The following MYOCD variants were observed in gnomAD, a reference collection of about 807,000 sequenced individuals.
The protein encoded by MYOCD is myocardin.
Under a neutral mutation model 96.1 loss-of-function variants are expected in MYOCD, and 32 were observed. That is an observed-to-expected ratio of 0.33 (90% CI 0.25 to 0.45). The LOEUF (loss-of-function observed/expected upper bound fraction) is 0.45. Ranked by LOEUF, MYOCD falls within the 20% of genes least tolerant of loss-of-function variation. MYOCD has a pLI of 1.00. For synonymous variants in MYOCD, 469 were observed against 469.0 expected (o/e 1.00, Z 0.00); for missense variants, 1,133 against 1,200.6 (o/e 0.94, Z 0.83).
intron 1 of MYOCD, among the ~76,000 whole-genome samples, chr17:12,683,109 C>T (rs1261459224): frequency 2.6e-5 from 4 of 152,126 alleles, no homozygotes; most frequent in Non-Finnish European, 5.9e-5. Context: ...CATCTTCTCC[C>T]GCAATATTGA....
intron 5 of MYOCD, among the ~76,000 whole-genome samples, chr17:12,723,766 A>G (rs2031916218): frequency 6.6e-6 from 1 of 152,218 alleles, no homozygotes; most frequent in African/African-American, 2.4e-5. Flanking sequence ...AGCTTTCTCC[A>G]GCTATGCCGC....
In MYOCD at chr17:12,765,124, A is replaced by C. The variant is rs2033301030; in HGVS notation, c.*1480A>C. 1 of 152,210 alleles carries C rather than the reference A, an allele frequency of 6.6e-6. No homozygotes were observed. Among genetic ancestry groups the C allele is most frequent in the African/African-American group, 2.4e-5 (1 of 41,452 alleles). The allele number at this position is 152,210 out of a possible 1,614,324, so 9.4% of individuals were successfully genotyped here. On this transcript the variant is annotated 3_prime_UTR_variant, in exon 14 of 14. Transcript: ENST00000425538. ...GATGGAAGGAAAAAGACAATGGTCT[A>C]ATGTGCATTCCTCATTACCTCTCGT...
intron 11 of MYOCD, 117 bp downstream of exon 11, chr17:12,756,674 T>G: frequency 3.7e-6 from 2 of 540,574 alleles, no homozygotes; most frequent in African/African-American, 2.3e-5. Flanking sequence ...CCAGCCCAGG[T>G]GACAGAGCGA....
chr17:12,737,538 G>A (rs1286648259), intron 6 of MYOCD, among the ~76,000 whole-genome samples: 1 of 152,078 alleles, frequency 6.6e-6, no homozygotes, highest in Non-Finnish European at 1.5e-5. Context: ...GATGCACCCG[G>A]GCATCCACAT....
chr17:12,713,296 A>G (rs976608796), intron 2 of MYOCD, among the ~76,000 whole-genome samples: 1 of 152,226 alleles, frequency 6.6e-6, no homozygotes, highest in African/African-American at 2.4e-5. Context: ...TAGTTCTACG[A>G]AGCTGAGATA....
chr17:12,757,678 G>T (rs1350060053), intron 11 of MYOCD, among the ~76,000 whole-genome samples: 2 of 151,888 alleles, frequency 1.3e-5, no homozygotes, highest in Non-Finnish European at 2.9e-5. Context: ...TATTTTTAGT[G>T]AGATGGGGTT....
At chr17:12,708,327 A>G (rs1217849922) in intron 2 of MYOCD, among the ~76,000 whole-genome samples, 1 of 152,194 alleles carries the variant, frequency 6.6e-6, no homozygotes, top group Non-Finnish European at 1.5e-5. Flanking sequence ...CTTTCTAAAC[A>G]TGTCATAAAT....
At chr17:12,757,596 A>G (rs1313488317) in intron 11 of MYOCD, among the ~76,000 whole-genome samples, 1 of 152,254 alleles carries the variant, frequency 6.6e-6, no homozygotes, top group Admixed American at 6.5e-5. Flanking sequence ...TCCCAGGTTC[A>G]AGCGATTCTT....
intron 5 of MYOCD, among the ~76,000 whole-genome samples, chr17:12,729,634 A>G (rs1248848167): frequency 6.6e-6 from 1 of 151,874 alleles, no homozygotes; most frequent in Admixed American, 6.6e-5. Flanking sequence ...CTGGAGTGCA[A>G]TGGCGCGATC....
In MYOCD at chr17:12,666,160, A is replaced by G. The variant is rs758679481; in HGVS notation, c.-29A>G. On this transcript the variant is annotated 5_prime_UTR_variant, in exon 1 of 14. Coordinates refer to ENST00000425538, the MANE Select transcript of MYOCD (RefSeq NM_001146312.3). ...GGTGGAGAACAGGGGGCGCCTGGCC[A>G]AGGGACCAGCGGCTTGCTGAGACTC... 6.2e-6 allele frequency: 10 copies of G among 1,605,786 alleles called. No individual in the cohort carries two copies. Among genetic ancestry groups the G allele is most frequent in the African/African-American group, 5.4e-5 (4 of 74,736 alleles).
At chr17:12,671,429 A>C (rs8070835) in intron 1 of MYOCD, among the ~76,000 whole-genome samples, 17,388 of 152,190 alleles carry the variant, frequency 0.11, 1,097 homozygotes, top group Admixed American at 0.14. Context: ...ATAAGGAGGT[A>C]GGGGTGTAGC....
At chr17:12,693,297 T>A (rs998967027) in intron 1 of MYOCD, among the ~76,000 whole-genome samples, 2 of 151,924 alleles carry the variant, frequency 1.3e-5, no homozygotes, top group Non-Finnish European at 2.9e-5. Context: ...TATGTTTTTT[T>A]AAAACAAACA....
At chr17:12,683,464 C>T (rs988386660) in intron 1 of MYOCD, among the ~76,000 whole-genome samples, 3 of 152,192 alleles carry the variant, frequency 2.0e-5, no homozygotes, top group African/African-American at 7.2e-5. Context: ...CGTGCGCGCG[C>T]GCTCTCTCTC....
At chr17:12,739,368 G>T (rs752468057) in intron 7 of MYOCD, 40 bp downstream of exon 7, 2 of 1,501,346 alleles carry the variant, frequency 1.3e-6, no homozygotes, top group Admixed American at 4.9e-5. Flanking sequence ...CTGAGCGCTC[G>T]GCTCACAGAG....
rs770212120 is a variant in MYOCD at position 12,717,360 on chromosome 17, G to A, written c.192G>A (p.Leu64=). The change falls in exon 4 of 14, where the codon CTG becomes CTA. Residue 64 remains leucine (L), a synonymous_variant. Coordinates refer to ENST00000425538, the MANE Select transcript of MYOCD (RefSeq NM_001146312.3). ...HLDSDKAKNS[L]KRKARNRCNS... is the part of the protein sequence containing the mutation. Reference sequence around the variant, plus strand: ...GGGTTCTACAGGCTAAAAATTCCCTGAAGCGCAAAGCCAGAAACAGGTGCA... The same window carrying A: ...GGGTTCTACAGGCTAAAAATTCCCTAAAGCGCAAAGCCAGAAACAGGTGCA... 1 of 1,613,980 alleles carries A rather than the reference G, an allele frequency of 6.2e-7. No homozygotes were observed. Among genetic ancestry groups the A allele is most frequent in the South Asian group, 1.1e-5 (1 of 91,040 alleles).
At chr17:12,723,624 T>C (rs2031912153) in intron 5 of MYOCD, among the ~76,000 whole-genome samples, 1 of 152,190 alleles carries the variant, frequency 6.6e-6, no homozygotes, top group South Asian at 2.1e-4. Flanking sequence ...GTAGACTTTT[T>C]GAACAACTGA....
chr17:12,712,527 A>G (rs2031512144), intron 2 of MYOCD, among the ~76,000 whole-genome samples: 1 of 152,184 alleles, frequency 6.6e-6, no homozygotes, highest in Non-Finnish European at 1.5e-5. Context: ...GCACGAGGTT[A>G]CAGTGGAGAG....
chr17:12,708,447 G>T (rs1024161713), intron 2 of MYOCD, among the ~76,000 whole-genome samples: 1 of 151,580 alleles, frequency 6.6e-6, no homozygotes, highest in Non-Finnish European at 1.5e-5. Context: ...AGGCTGGAGT[G>T]CAGTAGCGTG....
At chr17:12,723,532 C>T (rs2031908974) in intron 5 of MYOCD, among the ~76,000 whole-genome samples, 1 of 152,220 alleles carries the variant, frequency 6.6e-6, no homozygotes, top group Admixed American at 6.5e-5. Flanking sequence ...ACAGCTCTCA[C>T]TTGCTCCACG....
Sources: allele counts gnomAD v4.1 joint callset (sites outside exome capture counted in the v4.1 genomes callset), GRCh38; gene constraint gnomAD v4.1.1; transcripts MANE v1.5; gene names NCBI Gene and HGNC (gene_info 2026-07-23, HGNC 2026-07-21).